Variants in CUBN observed in about 807,000 individuals in gnomAD.
CUBN encodes 460 kDa receptor.
Under a neutral mutation model 405.3 loss-of-function variants are expected in CUBN, and 282 were observed. The ratio of observed to expected loss-of-function variants is 0.70; its 90% CI spans 0.63 to 0.77. The LOEUF (loss-of-function observed/expected upper bound fraction) is 0.77, where lower values mean the gene tolerates loss of function less well. CUBN is among the 30% of genes least tolerant of loss of function. The pLI is 0.00. For missense variants in CUBN, 4,514 were observed against 4,475.2 expected (o/e 1.01, Z -0.25); for synonymous variants, 1,684 against 1,617.0 (o/e 1.04, Z -0.99).
At chr10:16,950,206 C>G (rs1177717426) in intron 33 of CUBN, 95 bp from the exon 34 acceptor site, 4 of 808,190 alleles carry the variant, frequency 4.9e-6, no homozygotes, top group Non-Finnish European at 8.3e-6. Context: ...TGGTTAATGA[C>G]TATAAAAAAT....
At position 16,885,890 on chromosome 10, in the gene CUBN, A is replaced by T. The variant is rs549216920; in HGVS notation, c.8905+2527T>A. Among the ~76,000 whole-genome samples the T allele has an allele frequency of 3.3e-5, 5 of 152,370 alleles. No homozygotes were observed. The South Asian group carries it at 1.0e-3, about 32-fold the overall frequency. On this transcript the variant is annotated intron_variant, in intron 56 of 66. Transcript: ENST00000377833. Reference sequence around the variant, plus strand: ...AATAATTGTCCTAATTATAAAAATAACATAAAAGCTATAAAGAAGAAAATA... The same window carrying T: ...AATAATTGTCCTAATTATAAAAATATCATAAAAGCTATAAAGAAGAAAATA...
Position 16,952,291 on chromosome 10 carries a change from G to T in CUBN, c.4954C>A (p.Gln1652Lys). ...TGTTACTTACATGGAGGTTGCGCTT[G>T]AATGATCCAGCTGCAGTTCTGATTG... is the stretch of plus-strand genomic sequence containing the variant. ...PNNQNCSWII[Q>K]AQPPLNHITL... is the part of the protein sequence containing the mutation. The change falls in exon 33 of 67, where the codon CAA (glutamine) becomes AAA (lysine). Residue 1652 changes from glutamine to lysine, a missense_variant. Gln to Lys is a moderately conservative substitution (Grantham distance 53). Around this residue, in one of 5 missense-constraint regions of CUBN, gnomAD observed 1,613 missense variants for 1,542.8 expected, o/e 1.05. Coordinates refer to ENST00000377833, the MANE Select transcript of CUBN (RefSeq NM_001081.4). 1 of 1,612,758 alleles carries T rather than the reference G, an allele frequency of 6.2e-7. No homozygotes were observed. The highest frequency in any genetic ancestry group is 1.1e-5 in the South Asian group (1 of 91,020).
chr10:16,945,596 C>T (rs909648103), intron 36 of CUBN, among the ~76,000 whole-genome samples: 3 of 151,722 alleles, frequency 2.0e-5, no homozygotes, highest in Admixed American at 6.6e-5. Context: ...GGTGAAACTC[C>T]ATCACTACTA....
chr10:17,083,070 T>C (rs1836007726), intron 17 of CUBN, among the ~76,000 whole-genome samples: 1 of 152,170 alleles, frequency 6.6e-6, no homozygotes, highest in African/African-American at 2.4e-5. Context: ...AAAGGGTTAA[T>C]AATTTAATTT....
intron 31 of CUBN, among the ~76,000 whole-genome samples, chr10:16,977,314 T>C (rs919467331): frequency 2.6e-5 from 4 of 152,074 alleles, no homozygotes; most frequent in South Asian, 2.1e-4. Context: ...TGTATTCATA[T>C]AAACCCCTAA....
At chr10:16,929,013 A>C (rs909105493) in intron 40 of CUBN, among the ~76,000 whole-genome samples, 23 of 143,436 alleles carry the variant, frequency 1.6e-4, no homozygotes, top group Non-Finnish European at 1.7e-4. Flanking sequence ...AAAAAAAAAA[A>C]CAGTTGGCTC....
At chr10:16,827,763 G>A (rs575682550) in intron 66 of CUBN, among the ~76,000 whole-genome samples, 5 of 152,182 alleles carry the variant, frequency 3.3e-5, no homozygotes, top group East Asian at 1.9e-4. Context: ...CACTATACCA[G>A]CTAATTTTTG....
At chr10:16,864,468 T>C (rs1254829943) in intron 59 of CUBN, among the ~76,000 whole-genome samples, 1 of 152,142 alleles carries the variant, frequency 6.6e-6, no homozygotes, top group African/African-American at 2.4e-5. Flanking sequence ...GCTAAGGTGC[T>C]TTCCAGAAAT....
At chr10:16,901,250 G>T in intron 52 of CUBN, 88 bp downstream of exon 52, 1 of 1,567,782 alleles carries the variant, frequency 6.4e-7, no homozygotes. Context: ...CTAATCACTT[G>T]CTTAATAAAA....
At chr10:16,921,052 A>G (rs1317357813) in intron 43 of CUBN, among the ~76,000 whole-genome samples, 1 of 152,192 alleles carries the variant, frequency 6.6e-6, no homozygotes, top group Non-Finnish European at 1.5e-5. Context: ...TGTTCAATTC[A>G]AGCCATTCAT....
chr10:17,054,385 T>C (rs1835343275), intron 22 of CUBN, among the ~76,000 whole-genome samples: 1 of 149,648 alleles, frequency 6.7e-6, no homozygotes, highest in East Asian at 1.9e-4. Flanking sequence ...AAAGGCTATA[T>C]CTATATCTAT....
Position 16,952,256 on chromosome 10 carries a change from T to C in CUBN, c.4969+20A>G. On this transcript the variant is annotated intron_variant, in intron 33 of 66. Coordinates refer to ENST00000377833, the MANE Select transcript of CUBN (RefSeq NM_001081.4). ...ACCTTCTCTCCTGTGTGCCTTTTCT[T>C]TTTCATTTTTGTTACTTACATGGAG... The C allele has an allele frequency of 1.3e-6, 2 of 1,573,594 alleles. No homozygotes were observed.
intron 62 of CUBN, among the ~76,000 whole-genome samples, chr10:16,837,090 G>A (rs961116225): frequency 2.6e-5 from 4 of 151,716 alleles, no homozygotes; most frequent in Non-Finnish European, 2.9e-5. Flanking sequence ...GTAACTGCTC[G>A]GGGCTTCCAC....
chr10:17,057,516 A>G (rs1367845981), intron 22 of CUBN, among the ~76,000 whole-genome samples: 1 of 152,012 alleles, frequency 6.6e-6, no homozygotes, highest in Non-Finnish European at 1.5e-5. Context: ...AAATGGCATA[A>G]CCACTTTGGA....
In CUBN at chr10:17,129,788, A is replaced by T. The variant is rs1837277742; in HGVS notation, c.-23T>A. 1 of 1,613,576 alleles carries T rather than the reference A, an allele frequency of 6.2e-7. No homozygotes were observed. The highest frequency in any genetic ancestry group is 1.7e-5 in the Admixed American group (1 of 59,998). ...CATCAACCTCCCAGGTTGGCAGGTA[A>T]GAGTGAGGCCACTCCAACCAACTGA... On this transcript the variant is annotated 5_prime_UTR_variant, in exon 1 of 67. Coordinates refer to ENST00000377833, the MANE Select transcript of CUBN (RefSeq NM_001081.4).
intron 39 of CUBN, among the ~76,000 whole-genome samples, chr10:16,935,422 G>T (rs1021264170): frequency 5.9e-5 from 9 of 152,196 alleles, no homozygotes; most frequent in Middle Eastern, 3.4e-3. Context: ...CCAAAGTGCT[G>T]GGATTATAGG....
In CUBN at chr10:16,914,818, C is replaced by T. The variant is rs558930224; in HGVS notation, c.7351+214G>A. 2.6e-5 allele frequency among the ~76,000 whole-genome samples: 4 copies of T among 152,300 alleles called. No individual in the cohort carries two copies. The South Asian group carries it at 8.3e-4, about 32-fold the overall frequency. ...TGGGCATTACAGTATAACTCTCATCCTCTTATTATCTCTCTCGTGATACTA... is the reference window on the plus strand; with the variant it reads ...TGGGCATTACAGTATAACTCTCATCTTCTTATTATCTCTCTCGTGATACTA... On this transcript the variant is annotated intron_variant, in intron 47 of 66. Transcript: ENST00000377833.
At chr10:16,965,697 T>A (rs1843373921) in intron 31 of CUBN, 2 of 153,304 alleles carry the variant, frequency 1.3e-5, no homozygotes, top group South Asian at 2.0e-4. Context: ...AGGGAGAAAA[T>A]TTTTTTAAAA....
chr10:17,095,605 C>A (rs931509594), intron 14 of CUBN, among the ~76,000 whole-genome samples: 12 of 151,864 alleles, frequency 7.9e-5, no homozygotes, highest in African/African-American at 2.9e-4. Context: ...TAAAAGACAA[C>A]AAGTATTGAT....
Sources: allele counts gnomAD v4.1 joint callset (sites outside exome capture counted in the v4.1 genomes callset), GRCh38; gene constraint gnomAD v4.1.1; regional missense constraint gnomAD v4.1.1; transcripts MANE v1.5; gene names NCBI Gene and HGNC (gene_info 2026-07-23, HGNC 2026-07-21).